The following TMPRSS11F variants were observed in gnomAD, a reference collection of about 807,000 sequenced individuals.
The protein encoded by TMPRSS11F is transmembrane protease serine 11F.
In TMPRSS11F, 47 loss-of-function variants were observed where a neutral mutation model predicts 60.2. The observed-to-expected ratio is 0.78, with a 90% confidence interval of 0.62 to 1.00. TMPRSS11F has a LOEUF of 1.00. Ranked by LOEUF, TMPRSS11F falls within the 50% of genes least tolerant of loss-of-function variation. The probability of loss-of-function intolerance (pLI) is 0.00; values close to 1 mark genes in which losing one functional copy is unlikely to be tolerated. For synonymous variants in TMPRSS11F, 166 were observed against 167.3 expected (o/e 0.99, Z 0.06); for missense variants, 519 against 522.9 (o/e 0.99, Z 0.07).
intron 3 of TMPRSS11F, among the ~76,000 whole-genome samples, chr4:68,075,946 T>C (rs899666340): frequency 1.3e-5 from 2 of 151,484 alleles, no homozygotes; most frequent in Non-Finnish European, 2.9e-5. Flanking sequence ...TGAGCCAAGA[T>C]TAGGCCACTG....
chr4:68,072,144 A>G (rs1203804559), intron 5 of TMPRSS11F, among the ~76,000 whole-genome samples, 179 bp downstream of exon 5: 2 of 145,642 alleles, frequency 1.4e-5, no homozygotes, highest in African/African-American at 5.1e-5. Context: ...AAGTTGTAAT[A>G]CTAAATTTTG....
At chr4:68,124,169 C>T (rs1472199185) in intron 1 of TMPRSS11F, among the ~76,000 whole-genome samples, 3 of 150,844 alleles carry the variant, frequency 2.0e-5, no homozygotes, top group Non-Finnish European at 2.9e-5. Flanking sequence ...TGCAATGAGC[C>T]GAGATTGCAC....
At position 68,053,732 on chromosome 4, in the gene TMPRSS11F, A is replaced by G; in HGVS notation, c.*177T>C. ...GCTGTGTCTTCTTCCCTCATGGTAG[A>G]GAGGGTTTGGTCCTACGTATGTAAA... On this transcript the variant is annotated 3_prime_UTR_variant, in exon 10 of 10. Transcript: ENST00000356291. The G allele has an allele frequency of 2.0e-6, 1 of 500,108 alleles. No homozygotes were observed. Among genetic ancestry groups the G allele is most frequent in the Non-Finnish European group, 3.5e-6 (1 of 288,760 alleles). The allele number at this position is 500,108 out of a possible 1,614,324, so 31.0% of individuals were successfully genotyped here. A position where few individuals can be genotyped will look rare whatever the true frequency, so the allele number is the denominator to read the frequency against.
Position 68,059,978 on chromosome 4 carries a change from G to A in TMPRSS11F, c.1016-510C>T, listed in dbSNP as rs1036426462. Among the ~76,000 whole-genome samples, 14 of 152,202 alleles carry A rather than the reference G, an allele frequency of 9.2e-5. 1 individual carries two copies. The highest frequency in any genetic ancestry group is 3.1e-4 in the African/African-American group (13 of 41,536). Reference sequence around the variant, plus strand: ...AAATGAATGCCCAATATGTGCTAGTGATCTGATGACAACACAGAACAGGGC... The same window carrying A: ...AAATGAATGCCCAATATGTGCTAGTAATCTGATGACAACACAGAACAGGGC... On this transcript the variant is annotated intron_variant, in intron 8 of 9. Coordinates refer to ENST00000356291, the MANE Select transcript of TMPRSS11F (RefSeq NM_207407.2).
At chr4:68,100,346 G>A (rs1017735417) in intron 1 of TMPRSS11F, among the ~76,000 whole-genome samples, 6 of 152,194 alleles carry the variant, frequency 3.9e-5, no homozygotes, top group East Asian at 1.9e-4. Context: ...GAAGAGTTTC[G>A]AAGATTTAGA....
At chr4:68,122,744 A>G (rs74680835) in intron 1 of TMPRSS11F, among the ~76,000 whole-genome samples, 2,383 of 152,302 alleles carry the variant, frequency 0.016, 63 homozygotes, top group African/African-American at 0.054. Context: ...TTATTAAATT[A>G]CTTCCAGAAA....
At chr4:68,065,420 A>G (rs1467417377) in intron 7 of TMPRSS11F, among the ~76,000 whole-genome samples, 1 of 152,038 alleles carries the variant, frequency 6.6e-6, no homozygotes, top group Non-Finnish European at 1.5e-5. Context: ...TCTCTACCCT[A>G]CGCCCATATC....
intron 1 of TMPRSS11F, among the ~76,000 whole-genome samples, chr4:68,127,086 T>C (rs1724726363): frequency 6.6e-6 from 1 of 152,206 alleles, no homozygotes; most frequent in African/African-American, 2.4e-5. Flanking sequence ...ACTTTTATTA[T>C]GTAGTATGGA....
chr4:68,112,230 G>A (rs1560410300), intron 1 of TMPRSS11F, among the ~76,000 whole-genome samples: 1 of 151,954 alleles, frequency 6.6e-6, no homozygotes, highest in Non-Finnish European at 1.5e-5. Context: ...AACTGTCTTT[G>A]AGCCTTTGAA....
chr4:68,100,457 G>A (rs1275358182), intron 1 of TMPRSS11F, among the ~76,000 whole-genome samples: 1 of 152,138 alleles, frequency 6.6e-6, no homozygotes, highest in Non-Finnish European at 1.5e-5. Flanking sequence ...GAGACTGTGA[G>A]GACCTGAACT....
chr4:68,094,300 C>A (rs1049319678), intron 2 of TMPRSS11F, among the ~76,000 whole-genome samples: 3 of 125,428 alleles, frequency 2.4e-5, no homozygotes, highest in Non-Finnish European at 5.2e-5. Flanking sequence ...ATCGCAAGAA[C>A]AGAAAACCAG....
At chr4:68,121,115 G>A (rs1340985430) in intron 1 of TMPRSS11F, among the ~76,000 whole-genome samples, 2 of 152,152 alleles carry the variant, frequency 1.3e-5, no homozygotes, top group Non-Finnish European at 2.9e-5. Context: ...CCACCCAGTT[G>A]GCTGGATCCA....
At chr4:68,092,986 T>A (rs920304885) in intron 2 of TMPRSS11F, among the ~76,000 whole-genome samples, 2 of 152,202 alleles carry the variant, frequency 1.3e-5, no homozygotes, top group Admixed American at 1.3e-4. Context: ...TAATTAATAA[T>A]ACCTTTCCTT....
At chr4:68,084,381 G>T (rs924325139) in intron 3 of TMPRSS11F, among the ~76,000 whole-genome samples, 12 of 152,066 alleles carry the variant, frequency 7.9e-5, no homozygotes, top group African/African-American at 2.2e-4. Flanking sequence ...ATTCACCAAG[G>T]TCGCTGCAAA....
chr4:68,077,274 T>C (rs1429631657), intron 3 of TMPRSS11F: 2 of 152,216 alleles, frequency 1.3e-5, no homozygotes, highest in African/African-American at 2.4e-5. Context: ...TTCCACCACA[T>C]GTAGAGGAAA....
chr4:68,128,022 G>C (rs1489681962), intron 1 of TMPRSS11F, among the ~76,000 whole-genome samples: 1 of 152,018 alleles, frequency 6.6e-6, no homozygotes, highest in African/African-American at 2.4e-5. Context: ...AGAAGTACCA[G>C]ACAAAAGAGT....
Position 68,064,798 on chromosome 4 carries a change from G to A in TMPRSS11F, c.902C>T (p.Thr301Ile). The part of the protein sequence containing the change: ...ENDIALVQLS[T>I]GVEFSNIVQR... ...GACTATATTTGAAAACTCAACTCCA[G>A]TAGAGAGCTGAACCAAAGCAATGTC... Residue 301 changes from threonine (T) to isoleucine (I), a missense_variant, in exon 8 of 10, where the codon ACT becomes ATT. Physicochemically the swap from Thr to Ile is moderately conservative, Grantham distance 89 (BLOSUM62 -1). Transcript: ENST00000356291. The A allele has an allele frequency of 1.2e-6, 2 of 1,614,170 alleles. No individual in the cohort carries two copies. Among genetic ancestry groups the A allele is most frequent in the East Asian group, 2.2e-5 (1 of 44,870 alleles).
At chr4:68,077,326 G>A (rs1202243584) in intron 3 of TMPRSS11F, 1 of 152,282 alleles carries the variant, frequency 6.6e-6, no homozygotes, top group African/African-American at 2.4e-5. Context: ...TGTTGGCCCA[G>A]GCAGATTCTA....
At chr4:68,070,381 C>T (rs972715650) in intron 5 of TMPRSS11F, among the ~76,000 whole-genome samples, 1 of 152,168 alleles carries the variant, frequency 6.6e-6, no homozygotes, top group African/African-American at 2.4e-5. Flanking sequence ...TGGTGTTTAC[C>T]AACCTATATG....
Sources: allele counts gnomAD v4.1 joint callset (sites outside exome capture counted in the v4.1 genomes callset), GRCh38; gene constraint gnomAD v4.1.1; transcripts MANE v1.5; gene names NCBI Gene and HGNC (gene_info 2026-07-23, HGNC 2026-07-21).